Variants in GRIP1 observed in about 807,000 individuals in gnomAD.
GRIP1 encodes glutamate receptor-interacting protein 1.
A neutral mutation model predicts 129.9 loss-of-function variants in GRIP1; 45 were observed. That is an observed-to-expected ratio of 0.35 (90% CI 0.27 to 0.44). The LOEUF (loss-of-function observed/expected upper bound fraction) is 0.44. Among genes scored for constraint, GRIP1 ranks in the 20% least tolerant of loss-of-function variants. The pLI is 1.00. For synonymous variants in GRIP1, 530 were observed against 520.8 expected, an observed-to-expected ratio of 1.02 and a Z score of -0.24; for missense variants, 1,196 against 1,396.8, an observed-to-expected ratio of 0.86 and a Z score of 2.29.
At position 66,678,894 on chromosome 12, in the gene GRIP1, A is replaced by G. The variant is rs773752747; in HGVS notation, c.11T>C (p.Val4Ala). The change falls in exon 1 of 25, where the codon GTC becomes GCC. Residue 4 changes from valine (V) to alanine (A), a missense_variant. Around this residue, in one of 5 missense-constraint regions of GRIP1, gnomAD observed 217 missense variants for 224.8 expected, o/e 0.97. Coordinates refer to ENST00000359742, the MANE Select transcript of GRIP1 (RefSeq NM_001366722.1). ...AATTTGACAACGGCATTTAAAAGAG[A>G]CAGCTATCATTCTTGCTCACTGCTT... Reference protein sequence around the residue: MIAVSFKCRCQILR... With the variant: MIAASFKCRCQILR... The G allele has an allele frequency of 6.2e-7, 1 of 1,613,498 alleles. No homozygotes were observed. The highest frequency in any genetic ancestry group is 1.1e-5 in the South Asian group (1 of 91,080).
At chr12:66,694,813 G>C (rs1028800864) in intron 1 of GRIP1, among the ~76,000 whole-genome samples, 1 of 152,088 alleles carries the variant, frequency 6.6e-6, no homozygotes. Context: ...CCAGGGAATA[G>C]ATGCTGGTAA....
intron 2 of GRIP1, among the ~76,000 whole-genome samples, chr12:66,588,226 C>T (rs2063715752): frequency 6.6e-6 from 1 of 152,068 alleles, no homozygotes; most frequent in African/African-American, 2.4e-5. Flanking sequence ...GACTGGAAAG[C>T]TCTGAAAGGC....
chr12:66,503,643 G>A (rs928673851), intron 7 of GRIP1, among the ~76,000 whole-genome samples: 2 of 152,056 alleles, frequency 1.3e-5, no homozygotes, highest in African/African-American at 2.4e-5. Context: ...AGACCCATAC[G>A]GATTCGCCAC....
chr12:66,623,781 T>C (rs967459425), intron 1 of GRIP1, among the ~76,000 whole-genome samples: 2 of 152,142 alleles, frequency 1.3e-5, no homozygotes, highest in African/African-American at 2.4e-5. Context: ...TCCTATTTGG[T>C]TTTTGATGTC....
intron 9 of GRIP1, 123 bp downstream of exon 9, chr12:66,462,801 C>CG: frequency 2.8e-6 from 1 of 361,204 alleles, no homozygotes; most frequent in Non-Finnish European, 5.0e-6. Context: ...GACTCCATCT[C>CG]AAAAAAAAAA....
chr12:66,446,079 C>A (rs563390938), intron 11 of GRIP1, among the ~76,000 whole-genome samples: 1 of 152,102 alleles, frequency 6.6e-6, no homozygotes. Flanking sequence ...TGTTTAAACT[C>A]TGTACATTCC....
At chr12:66,494,994 A>G (rs2060196885) in intron 7 of GRIP1, among the ~76,000 whole-genome samples, 1 of 152,216 alleles carries the variant, frequency 6.6e-6, no homozygotes, top group Non-Finnish European at 1.5e-5. Flanking sequence ...TGCTATAACT[A>G]TTAGAGTTAA....
At chr12:66,542,629 T>C (rs2061820875) in intron 2 of GRIP1, among the ~76,000 whole-genome samples, 1 of 152,196 alleles carries the variant, frequency 6.6e-6, no homozygotes. Context: ...GTGGGGATAA[T>C]ATCTATATAG....
chr12:66,666,168 A>G (rs2033784099), intron 1 of GRIP1, among the ~76,000 whole-genome samples: 1 of 152,174 alleles, frequency 6.6e-6, no homozygotes, highest in Non-Finnish European at 1.5e-5. Context: ...CTGTACAGAT[A>G]GAATATAAAA....
At position 66,686,794 on chromosome 12, in the gene GRIP1, C is replaced by T. The variant is rs113752179; in HGVS notation, c.-419-56458G>A. On this transcript the variant is annotated intron_variant, in intron 1 of 4. Transcript: ENST00000538373. ...ACTACAAAGCCAGGCCAGTGGCTCACACCTGTAATCTCAGCACTTTGGGAG... is the reference window on the plus strand; with the variant it reads ...ACTACAAAGCCAGGCCAGTGGCTCATACCTGTAATCTCAGCACTTTGGGAG... Among the ~76,000 whole-genome samples, 847 of 152,334 alleles carry T rather than the reference C, an allele frequency of 5.6e-3. 10 individuals are homozygous for T. Among genetic ancestry groups the T allele is most frequent in the African/African-American group, 0.019 (808 of 41,582 alleles).
intron 23 of GRIP1, among the ~76,000 whole-genome samples, chr12:66,356,388 A>T (rs1473269506): frequency 6.6e-6 from 1 of 152,014 alleles, no homozygotes; most frequent in African/African-American, 2.4e-5. Context: ...GCCATAGCAC[A>T]CTCTCTCCTT....
intron 7 of GRIP1, among the ~76,000 whole-genome samples, chr12:66,494,116 T>C (rs1468169673): frequency 6.6e-6 from 1 of 152,208 alleles, no homozygotes; most frequent in African/African-American, 2.4e-5. Flanking sequence ...AATTAATTCA[T>C]TGTCTCACTT....
chr12:66,977,439 A>G (rs1253830279), intron 1 of GRIP1, among the ~76,000 whole-genome samples: 1 of 152,150 alleles, frequency 6.6e-6, no homozygotes, highest in Non-Finnish European at 1.5e-5. Context: ...AGGTTACAGA[A>G]AAGTGTACAA....
intron 1 of GRIP1, among the ~76,000 whole-genome samples, chr12:66,941,043 A>G (rs1375010072): frequency 6.6e-6 from 1 of 150,394 alleles, no homozygotes. Context: ...ATAAATCACA[A>G]TGCTAAACAC....
At chr12:66,644,281 AC>A (rs2032179787) in intron 1 of GRIP1, among the ~76,000 whole-genome samples, 1 of 152,160 alleles carries the variant, frequency 6.6e-6, no homozygotes, top group Admixed American at 6.6e-5. Flanking sequence ...AGTACATATT[AC>A]TCTGATGATC....
chr12:66,473,058 G>A (rs1425693995), intron 7 of GRIP1, among the ~76,000 whole-genome samples: 1 of 152,218 alleles, frequency 6.6e-6, no homozygotes, highest in East Asian at 1.9e-4. Context: ...ATGGAGCCCA[G>A]CAAGCTAAGA....
intron 22 of GRIP1, among the ~76,000 whole-genome samples, chr12:66,374,519 G>A (rs2055691833): frequency 6.6e-6 from 1 of 152,140 alleles, no homozygotes; most frequent in South Asian, 2.1e-4. Flanking sequence ...GTATCTGACA[G>A]CACTCATTGG....
chr12:67,040,141 T>C (rs2043154140), intron 1 of GRIP1, among the ~76,000 whole-genome samples: 1 of 152,168 alleles, frequency 6.6e-6, no homozygotes, highest in African/African-American at 2.4e-5. Flanking sequence ...CTTTTTCACC[T>C]ACTTTCTGGT....
chr12:66,442,983 A>G (rs1200582817), intron 13 of GRIP1, among the ~76,000 whole-genome samples: 1 of 152,162 alleles, frequency 6.6e-6, no homozygotes, highest in East Asian at 1.9e-4. Flanking sequence ...CCCATGGTAA[A>G]TAGTAAATAT....
Sources: gnomAD v4.1 joint callset for allele counts (sites outside exome capture counted in the v4.1 genomes callset) on GRCh38, gnomAD v4.1.1 for gene constraint, gnomAD v4.1.1 regional missense constraint, MANE v1.5 for transcripts, NCBI Gene and HGNC (gene_info 2026-07-23, HGNC 2026-07-21) for gene names.